The following SLC24A2 variants were observed in gnomAD, a reference collection of about 807,000 sequenced individuals.
SLC24A2 encodes solute carrier family 24 member 2.
Under a neutral mutation model 62.0 loss-of-function variants are expected in SLC24A2, and 36 were observed. That is an observed-to-expected ratio of 0.58 (90% CI 0.44 to 0.77). The LOEUF is 0.77. Among genes scored for constraint, SLC24A2 ranks in the 30% least tolerant of loss-of-function variants. The pLI, the probability that SLC24A2 is intolerant of heterozygous loss-of-function variation, is 0.00. For synonymous variants in SLC24A2, 358 were observed against 294.0 expected, an observed-to-expected ratio of 1.22 and a Z score of -2.23; for missense variants, 846 against 817.9, an observed-to-expected ratio of 1.03 and a Z score of -0.42.
chr9:19,823,297 TTGTG>T, the SLC24A2 span, among the ~76,000 whole-genome samples: 73,516 of 149,954 alleles, frequency 0.49, 18,617 homozygotes, highest in Non-Finnish European at 0.57. Flanking sequence ...TGTATTAACA[TTGTG>T]TGTGTGTGTG....
chr9:19,715,440 C>CAA (rs1416396510), intron 2 of SLC24A2, among the ~76,000 whole-genome samples: 2 of 152,052 alleles, frequency 1.3e-5, no homozygotes, highest in Non-Finnish European at 2.9e-5. Flanking sequence ...CCTGAAGGTA[C>CAA]AAAAAAATGA....
the SLC24A2 span, among the ~76,000 whole-genome samples, chr9:20,093,728 TAGAA>T: frequency 6.6e-5 from 10 of 152,132 alleles, no homozygotes; most frequent in South Asian, 2.1e-4. Flanking sequence ...AAAAAGTAGT[TAGAA>T]AGAATAAGAC....
chr9:19,524,265 G>C (rs777925182), intron 9 of SLC24A2, among the ~76,000 whole-genome samples: 2 of 151,828 alleles, frequency 1.3e-5, no homozygotes, highest in Non-Finnish European at 2.9e-5. Context: ...TGCTATAGTG[G>C]CTAAATGAGA....
At chr9:19,777,809 G>A (rs977228022) in intron 2 of SLC24A2, among the ~76,000 whole-genome samples, 6 of 152,144 alleles carry the variant, frequency 3.9e-5, no homozygotes, top group African/African-American at 1.4e-4. Flanking sequence ...ATGGTGCAAT[G>A]AGAGAATATA....
intron 2 of SLC24A2, among the ~76,000 whole-genome samples, chr9:19,673,230 CAT>C (rs1216744667): frequency 6.8e-6 from 1 of 146,244 alleles, no homozygotes; most frequent in African/African-American, 2.7e-5. Context: ...GTGTTAGGTG[CAT>C]ATATATTTAG....
At chr9:19,892,968 G>A in the SLC24A2 span, among the ~76,000 whole-genome samples, 2 of 152,110 alleles carry the variant, frequency 1.3e-5, no homozygotes, top group Admixed American at 6.5e-5. Flanking sequence ...CAAAACAAGG[G>A]GGAGGTTTTG....
At chr9:19,902,195 T>G in the SLC24A2 span, among the ~76,000 whole-genome samples, 1 of 152,208 alleles carries the variant, frequency 6.6e-6, no homozygotes, top group African/African-American at 2.4e-5. Context: ...GAGACGTGTC[T>G]CACCTCCTGT....
chr9:19,559,246 A>G (rs1432280072), intron 7 of SLC24A2, among the ~76,000 whole-genome samples: 1 of 152,206 alleles, frequency 6.6e-6, no homozygotes, highest in African/African-American at 2.4e-5. Context: ...TGATTCTATA[A>G]TTATTTGATT....
intron 1 of SLC24A2, among the ~76,000 whole-genome samples, chr9:19,787,672 G>T (rs905994604): frequency 6.6e-6 from 1 of 150,808 alleles, no homozygotes; most frequent in Non-Finnish European, 1.5e-5. Context: ...AAAAAATTCT[G>T]GTGACATGCA....
intron 2 of SLC24A2, among the ~76,000 whole-genome samples, chr9:19,673,464 T>TG (rs1554696240): frequency 6.6e-6 from 1 of 151,624 alleles, no homozygotes; most frequent in Non-Finnish European, 1.5e-5. Context: ...TGTGTGTGTG[T>TG]TTGAGACACA....
In SLC24A2 at chr9:19,786,946, T is replaced by C. The variant is rs560996925; in HGVS notation, c.-80A>G. ...TTCTTTCATACTTTTCCTTACTTTA[T>C]AGTTAACGATGCTTGTGGGGTACTT... On this transcript the variant is annotated 5_prime_UTR_variant, in exon 2 of 11. Transcript: ENST00000341998. The surrounding 1 kb of genome is among the most constrained non-coding windows in gnomAD (Gnocchi z 5.0). 33 of 1,563,214 alleles carry C rather than the reference T, an allele frequency of 2.1e-5. No homozygotes were observed. In the African/African-American group the frequency reaches 3.5e-4, roughly 17 times the overall value.
the SLC24A2 span, among the ~76,000 whole-genome samples, chr9:20,303,032 TACC>T: frequency 6.6e-6 from 1 of 152,204 alleles, no homozygotes; most frequent in Non-Finnish European, 1.5e-5. Context: ...TCCCCAAAAG[TACC>T]ACTTTACCCT....
chr9:19,758,350 CCA>C (rs1822208780), intron 2 of SLC24A2, among the ~76,000 whole-genome samples: 1 of 152,222 alleles, frequency 6.6e-6, no homozygotes, highest in East Asian at 1.9e-4. Flanking sequence ...TCCATCAACC[CCA>C]GTTTCCCATC....
intron 2 of SLC24A2, among the ~76,000 whole-genome samples, chr9:19,624,646 A>G (rs1443436741): frequency 6.6e-6 from 1 of 152,214 alleles, no homozygotes; most frequent in Non-Finnish European, 1.5e-5. Context: ...TGCAGTTGAC[A>G]TCATTCGTTT....
At chr9:20,198,007 C>T in the SLC24A2 span, among the ~76,000 whole-genome samples, 4 of 152,282 alleles carry the variant, frequency 2.6e-5, no homozygotes, top group African/African-American at 4.8e-5. Context: ...TTTCCCTTCC[C>T]CTTGGCTGCA....
At chr9:19,596,346 T>C (rs985423746) in intron 5 of SLC24A2, among the ~76,000 whole-genome samples, 1 of 152,198 alleles carries the variant, frequency 6.6e-6, no homozygotes, top group Non-Finnish European at 1.5e-5. Context: ...TCAGTATCCA[T>C]GTAAAAGTCA....
intron 10 of SLC24A2, among the ~76,000 whole-genome samples, chr9:19,519,358 T>TGC (rs1833084306): frequency 6.6e-6 from 1 of 151,686 alleles, no homozygotes; most frequent in South Asian, 2.1e-4. Context: ...CTTGTGTGTG[T>TGC]GTGTGTGTGT....
the SLC24A2 span, among the ~76,000 whole-genome samples, chr9:19,797,058 T>G: frequency 6.6e-6 from 1 of 152,172 alleles, no homozygotes; most frequent in Non-Finnish European, 1.5e-5. Flanking sequence ...TTAACCCTTC[T>G]CTTGGTAAAA....
At chr9:20,225,010 T>G in the SLC24A2 span, among the ~76,000 whole-genome samples, 2 of 152,162 alleles carry the variant, frequency 1.3e-5, no homozygotes, top group East Asian at 3.9e-4. Context: ...TCCTGAGGGA[T>G]CAAGCTGAGG....
Sources: allele counts gnomAD v4.1 joint callset (sites outside exome capture counted in the v4.1 genomes callset), GRCh38; gene constraint gnomAD v4.1.1; non-coding constraint Gnocchi (gnomAD v3.1); transcripts MANE v1.5; gene names NCBI Gene and HGNC (gene_info 2026-07-23, HGNC 2026-07-21).